The following UBE2E2 variants were observed in gnomAD, a reference collection of about 807,000 sequenced individuals.
The protein encoded by UBE2E2 is ubiquitin conjugating enzyme E2 E2.
A neutral mutation model predicts 24.7 loss-of-function variants in UBE2E2; 6 were observed. The observed-to-expected ratio is 0.24, with a 90% confidence interval of 0.13 to 0.48. The LOEUF (loss-of-function observed/expected upper bound fraction) is 0.48, where lower values mean the gene tolerates loss of function less well. UBE2E2 is among the 20% of genes least tolerant of loss of function. The pLI, the probability that UBE2E2 is intolerant of heterozygous loss-of-function variation, is 0.99. For missense variants in UBE2E2, 169 were observed against 245.0 expected, an observed-to-expected ratio of 0.69 and a Z score of 2.07; for synonymous variants, 104 against 83.6, an observed-to-expected ratio of 1.24 and a Z score of -1.33.
chr3:23,319,482 ATTTCT>A (rs1694684003), intron 3 of UBE2E2, among the ~76,000 whole-genome samples: 2 of 152,056 alleles, frequency 1.3e-5, no homozygotes, highest in Admixed American at 6.6e-5. Flanking sequence ...TACTATTCTG[ATTTCT>A]TTTATTTGTA....
At chr3:23,332,201 A>T (rs1174861234) in intron 3 of UBE2E2, among the ~76,000 whole-genome samples, 1 of 152,092 alleles carries the variant, frequency 6.6e-6, no homozygotes, top group African/African-American at 2.4e-5. Context: ...AAGAGTACAG[A>T]GTGGCATGAT....
chr3:23,435,971 A>G (rs984641244), intron 3 of UBE2E2, among the ~76,000 whole-genome samples: 1 of 152,106 alleles, frequency 6.6e-6, no homozygotes, highest in Non-Finnish European at 1.5e-5. Context: ...TTAGATTCTC[A>G]TAAGGAGCGC....
intron 5 of UBE2E2, among the ~76,000 whole-genome samples, chr3:23,556,479 C>T (rs552707950): frequency 1.7e-3 from 147 of 84,838 alleles, no homozygotes; most frequent in African/African-American, 6.5e-3. Flanking sequence ...AAAAGCTATA[C>T]TGAACAAGAT....
intron 3 of UBE2E2, among the ~76,000 whole-genome samples, chr3:23,433,229 G>T (rs571574774): frequency 6.6e-6 from 1 of 151,910 alleles, no homozygotes; most frequent in South Asian, 2.1e-4. Context: ...TCTCCCAAGT[G>T]AATTTTGCTA....
intron 3 of UBE2E2, among the ~76,000 whole-genome samples, chr3:23,377,675 G>A (rs1490349664): frequency 6.6e-6 from 1 of 152,188 alleles, no homozygotes; most frequent in East Asian, 1.9e-4. Context: ...GAATTTCCCT[G>A]TTCTCCTTAA....
At chr3:23,403,007 C>T (rs1004353386) in intron 3 of UBE2E2, among the ~76,000 whole-genome samples, 1 of 152,142 alleles carries the variant, frequency 6.6e-6, no homozygotes, top group African/African-American at 2.4e-5. Flanking sequence ...GCCTCAGGGG[C>T]AGATTGAGTG....
At chr3:23,247,319 A>C (rs2125342637) in intron 3 of UBE2E2, among the ~76,000 whole-genome samples, 1 of 152,198 alleles carries the variant, frequency 6.6e-6, no homozygotes, top group South Asian at 2.1e-4. Context: ...TCTGAATCAG[A>C]AAATAACCTA....
intron 3 of UBE2E2, among the ~76,000 whole-genome samples, chr3:23,396,039 T>C (rs1347781339): frequency 6.6e-6 from 1 of 152,088 alleles, no homozygotes; most frequent in East Asian, 1.9e-4. Context: ...TTCAAATTAA[T>C]CATCTCTTCT....
rs1695662655 is a variant in UBE2E2 at position 23,552,265 on chromosome 3, A to T, written c.508+19564A>T. 2.0e-5 allele frequency among the ~76,000 whole-genome samples: 3 copies of T among 152,290 alleles called. No individual in the cohort carries two copies. The South Asian group carries it at 6.2e-4, about 32-fold the overall frequency. ...GCTACTCGGAGGCCAAGGTAGAAAG[A>T]TCACTGGAGCCCAGGGGTTCGAGGT... On this transcript the variant is annotated intron_variant, in intron 5 of 5. Coordinates refer to ENST00000396703, the MANE Select transcript of UBE2E2 (RefSeq NM_152653.4).
chr3:23,292,462 T>C lies in UBE2E2; in HGVS notation c.227+75150T>C, dbSNP rs147336607. Reference sequence around the variant, plus strand: ...TAAGAAATTAGTTTGTGGGCCATTCTTGAAGCCAGTGACACTACATAGGGC... The same window carrying C: ...TAAGAAATTAGTTTGTGGGCCATTCCTGAAGCCAGTGACACTACATAGGGC... On this transcript the variant is annotated intron_variant, in intron 3 of 5. Transcript: ENST00000396703. Among the ~76,000 whole-genome samples the C allele has an allele frequency of 1.3e-3, 203 of 152,312 alleles. 1 individual carries two copies. Among genetic ancestry groups the C allele is most frequent in the African/African-American group, 4.4e-3 (185 of 41,580 alleles).
chr3:23,538,350 G>A (rs529055237), intron 5 of UBE2E2, among the ~76,000 whole-genome samples: 2 of 152,252 alleles, frequency 1.3e-5, no homozygotes, highest in East Asian at 3.9e-4. Context: ...GATGTGGAGA[G>A]ACTCCACATT....
At chr3:23,373,344 A>C (rs762912901) in intron 3 of UBE2E2, among the ~76,000 whole-genome samples, 1 of 152,152 alleles carries the variant, frequency 6.6e-6, no homozygotes, top group Non-Finnish European at 1.5e-5. Context: ...GCAGGAAGGA[A>C]AGCCTAGCTT....
At chr3:23,505,148 G>A (rs1313457975) in intron 4 of UBE2E2, among the ~76,000 whole-genome samples, 30 of 147,898 alleles carry the variant, frequency 2.0e-4, no homozygotes, top group African/African-American at 6.5e-4. Flanking sequence ...CTTGAACTCC[G>A]GGGCTCAAGC....
At chr3:23,337,906 GC>G (rs1311281927) in intron 3 of UBE2E2, among the ~76,000 whole-genome samples, 4 of 152,140 alleles carry the variant, frequency 2.6e-5, no homozygotes, top group Non-Finnish European at 5.9e-5. Context: ...TAAAGGCTAA[GC>G]CCCTGGAGAT....
chr3:23,364,311 C>G (rs575589682), intron 3 of UBE2E2, among the ~76,000 whole-genome samples: 1 of 151,882 alleles, frequency 6.6e-6, no homozygotes, highest in East Asian at 1.9e-4. Context: ...TGTAAAAAAC[C>G]ATACAAAAGA....
At chr3:23,378,349 A>G (rs1433003837) in intron 3 of UBE2E2, among the ~76,000 whole-genome samples, 1 of 152,094 alleles carries the variant, frequency 6.6e-6, no homozygotes, top group Non-Finnish European at 1.5e-5. Flanking sequence ...AAAAATTTAA[A>G]GGTACATATG....
chr3:23,349,278 C>T (rs888848640), intron 3 of UBE2E2, among the ~76,000 whole-genome samples: 2 of 152,184 alleles, frequency 1.3e-5, no homozygotes, highest in Non-Finnish European at 2.9e-5. Context: ...AGGAACAGCT[C>T]CAGTCTACAG....
chr3:23,525,235 A>G (rs1041407068), intron 4 of UBE2E2, among the ~76,000 whole-genome samples: 1 of 152,098 alleles, frequency 6.6e-6, no homozygotes, highest in Non-Finnish European at 1.5e-5. Flanking sequence ...CCATCTCAAG[A>G]TTCTCCGCCT....
intron 3 of UBE2E2, among the ~76,000 whole-genome samples, chr3:23,277,313 C>T (rs1698394130): frequency 6.6e-6 from 1 of 152,106 alleles, no homozygotes; most frequent in Admixed American, 6.5e-5. Flanking sequence ...CTTATATTTT[C>T]AAAGATCGGC....
Sources: allele counts gnomAD v4.1 joint callset (sites outside exome capture counted in the v4.1 genomes callset), GRCh38; gene constraint gnomAD v4.1.1; transcripts MANE v1.5; gene names NCBI Gene and HGNC (gene_info 2026-07-23, HGNC 2026-07-21).